ZNF626: variants seen among roughly 807,000 people sequenced by gnomAD.
ZNF626 encodes CTC-513N18.7.
Under a neutral mutation model 11.7 loss-of-function variants are expected in ZNF626, and 4 were observed. That is an observed-to-expected ratio of 0.34 (90% CI 0.17 to 0.78). The LOEUF is 0.78. Ranked by LOEUF, ZNF626 falls within the 30% of genes least tolerant of loss-of-function variation. ZNF626 has a pLI of 0.57. For missense variants in ZNF626, 588 were observed against 587.1 expected, an observed-to-expected ratio of 1.00 and a Z score of -0.01; for synonymous variants, 179 against 198.6, an observed-to-expected ratio of 0.90 and a Z score of 0.83.
Position 20,661,468 on chromosome 19 carries a change from G to A in ZNF626, c.-22C>T. The stretch of plus-strand genomic sequence containing the variant: ...CCATTTTTGGCTTCCAGGAGGTCCC[G>A]GTGTCTTAGCTGTGGATCTCCCAAT... On this transcript the variant is annotated 5_prime_UTR_variant, in exon 1 of 4. Coordinates refer to ENST00000601440, the MANE Select transcript of ZNF626 (RefSeq NM_001076675.3). The A allele has an allele frequency of 6.2e-7, 1 of 1,613,436 alleles. No individual in the cohort carries two copies. Among genetic ancestry groups the A allele is most frequent in the Non-Finnish European group, 8.5e-7 (1 of 1,179,622 alleles).
At chr19:20,628,563 G>A (rs1475670477) in intron 3 of ZNF626, among the ~76,000 whole-genome samples, 2 of 152,072 alleles carry the variant, frequency 1.3e-5, no homozygotes, top group African/African-American at 4.8e-5. Context: ...TGTTTTTTTG[G>A]CTGCATAAAT....
chr19:20,625,561 A>G lies in ZNF626; in HGVS notation c.316T>C (p.Cys106Arg). 1 of 1,612,236 alleles carries G rather than the reference A, an allele frequency of 6.2e-7. No individual in the cohort carries two copies. The highest frequency in any genetic ancestry group is 1.7e-4 in the Middle Eastern group (1 of 6,044). The change falls in exon 4 of 4, where the codon TGT (cysteine) becomes CGT (arginine). Residue 106 changes from cysteine (C) to arginine (R), a missense_variant. Cys to Arg is a radical substitution (Grantham distance 180). This residue lies in a region of ZNF626 where 524 missense variants were observed against 470.1 expected (regional missense o/e 1.11). Coordinates refer to ENST00000601440, the MANE Select transcript of ZNF626 (RefSeq NM_001076675.3). ...QKVVLRRYEKCEHDNLQLKKG... is the reference protein window; with the variant it reads ...QKVVLRRYEKREHDNLQLKKG... Reference sequence around the variant, plus strand: ...TTTAACTGTAAATTGTCATGTTCACATTTTTCATATCTTCTCAGTACCACT... The same window carrying G: ...TTTAACTGTAAATTGTCATGTTCACGTTTTTCATATCTTCTCAGTACCACT...
chr19:20,645,134 A>C, intron 3 of ZNF626: 1 of 718,964 alleles, frequency 1.4e-6, no homozygotes, highest in Non-Finnish European at 1.8e-6. Flanking sequence ...ATAAACTTTG[A>C]ATAGCCAAAG....
intron 1 of ZNF626, among the ~76,000 whole-genome samples, chr19:20,656,769 G>T (rs965373993): frequency 1.3e-5 from 2 of 151,550 alleles, no homozygotes; most frequent in Admixed American, 6.6e-5. Flanking sequence ...CATCAGAATG[G>T]CTGTTTTTCA....
At chr19:20,657,586 C>T (rs1568462933) in intron 1 of ZNF626, among the ~76,000 whole-genome samples, 1 of 152,008 alleles carries the variant, frequency 6.6e-6, no homozygotes, top group Non-Finnish European at 1.5e-5. Flanking sequence ...GTGGGATAAT[C>T]ACCTGAGTTC....
rs1568453679 is a variant in ZNF626, at chr19:20,624,969, T to TG, written c.907dup (p.His303ProfsTer2). ...TTTTTCTCCAGTATGAATTATCTTATGTGTAGTAAGGGTTGAGGACCGGTT... is the reference window on the plus strand; with the variant it reads ...TTTTTCTCCAGTATGAATTATCTTATGGTGTAGTAAGGGTTGAGGACCGGTT... On this transcript the variant is annotated frameshift_variant, in exon 4 of 4. Transcript: ENST00000601440. LOFTEE classifies it low-confidence loss of function (END_TRUNC). The TG allele has an allele frequency of 5.0e-6, 8 of 1,613,878 alleles. No individual in the cohort carries two copies. The Admixed American group carries it at 8.3e-5, about 17-fold the overall frequency.
At chr19:20,642,228 T>A (rs771238686) in intron 3 of ZNF626, among the ~76,000 whole-genome samples, 5 of 152,170 alleles carry the variant, frequency 3.3e-5, no homozygotes, top group Non-Finnish European at 7.3e-5. Context: ...GGACTTAAAG[T>A]GTACAAACAG....
At chr19:20,631,878 T>C (rs1969909847) in intron 3 of ZNF626, among the ~76,000 whole-genome samples, 1 of 151,980 alleles carries the variant, frequency 6.6e-6, no homozygotes, top group Non-Finnish European at 1.5e-5. Context: ...AGTTTCTTCC[T>C]AGTCTCAATG....
intron 3 of ZNF626, among the ~76,000 whole-genome samples, chr19:20,631,588 A>G (rs878880634): frequency 7.8e-6 from 1 of 128,748 alleles, no homozygotes; most frequent in African/African-American, 3.4e-5. Context: ...AGTCTGTTTT[A>G]TCAGAGACTA....
chr19:20,626,282 T>A (rs782764259), intron 3 of ZNF626, among the ~76,000 whole-genome samples: 4 of 152,096 alleles, frequency 2.6e-5, no homozygotes, highest in Non-Finnish European at 4.4e-5. Context: ...TTATAAAGAT[T>A]GTAACAGGTA....
intron 1 of ZNF626, among the ~76,000 whole-genome samples, chr19:20,650,124 T>C (rs896256793): frequency 8.5e-5 from 13 of 152,156 alleles, no homozygotes; most frequent in African/African-American, 3.1e-4. Flanking sequence ...GCGTAACATA[T>C]TACGTGATTT....
intron 3 of ZNF626, among the ~76,000 whole-genome samples, chr19:20,644,039 C>T (rs1555771684): frequency 6.6e-6 from 1 of 152,182 alleles, no homozygotes; most frequent in East Asian, 1.9e-4. Context: ...AAACTCCTCC[C>T]AAGCCAGAGT....
intron 3 of ZNF626, among the ~76,000 whole-genome samples, chr19:20,641,642 T>A (rs1970025660): frequency 6.6e-6 from 1 of 152,128 alleles, no homozygotes; most frequent in African/African-American, 2.4e-5. Context: ...CAAGCTGGTG[T>A]GTAGTGGCAC....
At position 20,625,196 on chromosome 19, in the gene ZNF626, T is replaced by C; in HGVS notation, c.681A>G (p.Lys227=). The change falls in exon 4 of 4, where the codon AAA becomes AAG. Residue 227 remains lysine, a synonymous_variant. Transcript: ENST00000601440. ...TGCCACATTCTTCACATTTGTAGGG[T>C]TTCTCTCCAGTATGAATTTTCTTAT... ...TRHKKIHTGE[K]PYKCEECGKA... The C allele has an allele frequency of 6.2e-7, 1 of 1,613,214 alleles. No individual in the cohort carries two copies. Among genetic ancestry groups the C allele is most frequent in the Non-Finnish European group, 8.5e-7 (1 of 1,179,916 alleles).
chr19:20,654,533 C>A (rs868980063), intron 1 of ZNF626, among the ~76,000 whole-genome samples: 19 of 150,452 alleles, frequency 1.3e-4, no homozygotes, highest in African/African-American at 4.6e-4. Context: ...ACGGTGAAAC[C>A]CCGTATCTAC....
At position 20,661,477 on chromosome 19, in the gene ZNF626, G is replaced by C; in HGVS notation, c.-31C>G. The C allele has an allele frequency of 1.2e-6, 2 of 1,613,142 alleles. No individual in the cohort carries two copies. Among genetic ancestry groups the C allele is most frequent in the Non-Finnish European group, 1.7e-6 (2 of 1,179,400 alleles). The stretch of plus-strand genomic sequence containing the variant: ...GCTTCCAGGAGGTCCCGGTGTCTTA[G>C]CTGTGGATCTCCCAATACCTGCAGG... On this transcript the variant is annotated 5_prime_UTR_variant, in exon 1 of 4. Coordinates refer to ENST00000601440, the MANE Select transcript of ZNF626 (RefSeq NM_001076675.3).
chr19:20,624,821 G>C lies in ZNF626; in HGVS notation c.1056C>G (p.Tyr352Ter). 1 of 1,611,832 alleles carries C rather than the reference G, an allele frequency of 6.2e-7. No individual in the cohort carries two copies. The highest frequency in any genetic ancestry group is 1.1e-5 in the South Asian group (1 of 90,930). Reference sequence around the variant, plus strand: ...TCTTATGTGTAGTAAGGGTAGAGGAGTACTTAAAGGCTTTGCCACATTCTT... The same window carrying C: ...TCTTATGTGTAGTAAGGGTAGAGGACTACTTAAAGGCTTTGCCACATTCTT... ...KCEECGKAFK[Y>*]SSTLTTHKRI... is the part of the protein sequence containing the mutation. Residue 352 changes from tyrosine to a stop codon, truncating the protein, a stop_gained, in exon 4 of 4, where the codon TAC (tyrosine) becomes TAG (stop). Coordinates refer to ENST00000601440, the MANE Select transcript of ZNF626 (RefSeq NM_001076675.3). LOFTEE classifies it low-confidence loss of function (END_TRUNC).
intron 3 of ZNF626, among the ~76,000 whole-genome samples, chr19:20,631,542 G>C (rs879968488): frequency 2.0e-5 from 3 of 148,916 alleles, no homozygotes; most frequent in Non-Finnish European, 4.5e-5. Flanking sequence ...ATTATGTAAT[G>C]GCCTTCTTTG....
Position 20,661,430 on chromosome 19 carries a change from A to T in ZNF626, c.3+14T>A. On this transcript the variant is annotated intron_variant, in intron 1 of 3. Coordinates refer to ENST00000601440, the MANE Select transcript of ZNF626 (RefSeq NM_001076675.3). ...TCCCTCTCCTCTCTCGGGATGTCGG[A>T]CCCTCACTCTCACCATTTTTGGCTT... The T allele has an allele frequency of 6.2e-7, 1 of 1,613,554 alleles. No homozygotes were observed. Among genetic ancestry groups the T allele is most frequent in the Non-Finnish European group, 8.5e-7 (1 of 1,179,740 alleles).
Sources: allele counts gnomAD v4.1 joint callset (sites outside exome capture counted in the v4.1 genomes callset), GRCh38; gene constraint gnomAD v4.1.1; regional missense constraint gnomAD v4.1.1; transcripts MANE v1.5; gene names NCBI Gene and HGNC (gene_info 2026-07-23, HGNC 2026-07-21).